The following ZNF675 variants were observed in gnomAD, a reference collection of about 807,000 sequenced individuals.
ZNF675 encodes the protein TRAF6 inhibitory zinc finger.
ZNF675 carries 36 observed loss-of-function variants against 56.1 expected under a neutral mutation model. That is an observed-to-expected ratio of 0.64 (90% CI 0.49 to 0.85). The LOEUF (loss-of-function observed/expected upper bound fraction) is 0.85. ZNF675 is among the 40% of genes least tolerant of loss of function. The pLI is 0.00. For synonymous variants in ZNF675, 200 were observed against 218.9 expected, an observed-to-expected ratio of 0.91 and a Z score of 0.76; for missense variants, 663 against 654.2, an observed-to-expected ratio of 1.01 and a Z score of -0.15.
intron 1 of ZNF675, among the ~76,000 whole-genome samples, chr19:23,675,063 G>A (rs1277064465): frequency 1.3e-5 from 2 of 151,420 alleles, no homozygotes; most frequent in African/African-American, 2.4e-5. Flanking sequence ...TGAACTCTTC[G>A]ACATCTTAAT....
chr19:23,682,607 CAT>C (rs1968391229), intron 1 of ZNF675, among the ~76,000 whole-genome samples: 1 of 151,680 alleles, frequency 6.6e-6, no homozygotes, highest in African/African-American at 2.4e-5. Context: ...AGCAGGCTGA[CAT>C]ATCTGCAGAA....
Position 23,687,069 on chromosome 19 carries a change from T to TG in ZNF675, c.-37dup. 3 of 1,613,124 alleles carry TG rather than the reference T, an allele frequency of 1.9e-6. No homozygotes were observed. Among genetic ancestry groups the TG allele is most frequent in the Non-Finnish European group, 2.5e-6 (3 of 1,179,432 alleles). On this transcript the variant is annotated 5_prime_UTR_variant, in exon 1 of 4. Transcript: ENST00000359788. ...CCAGGGGGTCCTGGAGTCTTAGCTG[T>TG]GGATCTCTCAATTTCTGCAGGTCAC... is the stretch of plus-strand genomic sequence containing the variant.
intron 1 of ZNF675, among the ~76,000 whole-genome samples, chr19:23,677,328 G>A (rs1408715327): frequency 1.3e-5 from 2 of 151,642 alleles, no homozygotes; most frequent in African/African-American, 4.9e-5. Flanking sequence ...AACAACTTCA[G>A]CAAAGTTTCA....
chr19:23,653,017 CGCTTTCCTGTGCAATAAG>C lies in ZNF675; in HGVS notation c.*191_*208del, dbSNP rs2144913955. 1 of 479,150 alleles carries C rather than the reference CGCTTTCCTGTGCAATAAG, an allele frequency of 2.1e-6. No individual in the cohort carries two copies. The highest frequency in any genetic ancestry group is 3.6e-6 in the Non-Finnish European group (1 of 277,472). The allele number at this position is 479,150 out of a possible 1,614,324, so 29.7% of individuals were successfully genotyped here. On this transcript the variant is annotated 3_prime_UTR_variant, in exon 4 of 4. Coordinates refer to ENST00000359788, the MANE Select transcript of ZNF675 (RefSeq NM_138330.3). Reference sequence around the variant, plus strand: ...TTGTACAATTTTTCTTAAGTATAAACGCTTTCCTGTGCAATAAGGTTTGAGCCTTAATTAACAGTATTG... The same window carrying C: ...TTGTACAATTTTTCTTAAGTATAAACGTTTGAGCCTTAATTAACAGTATTG...
At chr19:23,682,591 G>A (rs769995497) in intron 1 of ZNF675, among the ~76,000 whole-genome samples, 2 of 151,708 alleles carry the variant, frequency 1.3e-5, no homozygotes, top group Admixed American at 1.3e-4. Flanking sequence ...TTCCATGGCT[G>A]GGGTGAGCAG....
At position 23,653,713 on chromosome 19, in the gene ZNF675, T is replaced by C. The variant is rs903834815; in HGVS notation, c.1220A>G (p.His407Arg). The change falls in exon 4 of 4, where the codon CAC becomes CGC. Residue 407 changes from histidine (H) to arginine (R), a missense_variant. His to Arg is a conservative substitution (Grantham distance 29, BLOSUM62 0). Transcript: ENST00000359788. ...CTTATGTGTAGTAAGGGCTGAGGAG[T>C]GTTTAAAAGCTTTGCCACATTCTTT... Reference protein sequence around the residue: ...KCKECGKAFKHSSALTTHKRI... With the variant: ...KCKECGKAFKRSSALTTHKRI... The C allele has an allele frequency of 2.5e-6, 4 of 1,613,198 alleles. No homozygotes were observed. The highest frequency in any genetic ancestry group is 2.2e-5 in the South Asian group (2 of 91,044).
rs775574278 is a variant in ZNF675, at chr19:23,653,517, T to A, written c.1416A>T (p.Lys472Asn). Residue 472 changes from lysine to asparagine, a missense_variant, in exon 4 of 4, where the codon AAA becomes AAT. Lys to Asn is a moderately conservative substitution (Grantham distance 94). Around this residue, in one of 3 missense-constraint regions of ZNF675, gnomAD observed 617 missense variants for 590.5 expected, o/e 1.04. Coordinates refer to ENST00000359788, the MANE Select transcript of ZNF675 (RefSeq NM_138330.3). ...TGTAGGGTATCTCTCCAGAATGAAT[T>A]TTCTTATGTTCAGTAAGTTTTGAGG... ...IQSSKLTEHK[K>N]IHSGEIPYKC... The A allele has an allele frequency of 8.1e-6, 13 of 1,613,182 alleles. No individual in the cohort carries two copies. Among genetic ancestry groups the A allele is most frequent in the Middle Eastern group, 1.6e-4 (1 of 6,084 alleles).
chr19:23,667,382 G>A (rs1189243915), intron 1 of ZNF675, among the ~76,000 whole-genome samples: 1 of 152,150 alleles, frequency 6.6e-6, no homozygotes, highest in East Asian at 1.9e-4. Flanking sequence ...TGCCACTGCT[G>A]GCTCCGGCAG....
At chr19:23,686,305 T>C (rs1338612510) in intron 1 of ZNF675, 2 of 152,130 alleles carry the variant, frequency 1.3e-5, no homozygotes, top group South Asian at 4.1e-4. Context: ...ATCCCCATAA[T>C]TTATTTATTT....
At chr19:23,668,737 G>A (rs1968188914) in intron 1 of ZNF675, among the ~76,000 whole-genome samples, 1 of 152,184 alleles carries the variant, frequency 6.6e-6, no homozygotes, top group South Asian at 2.1e-4. Context: ...ACTGCTGGGG[G>A]ACCCAGTACA....
At chr19:23,654,859 A>T in intron 3 of ZNF675, 153 bp from the exon 4 acceptor site, 1 of 404,522 alleles carries the variant, frequency 2.5e-6, no homozygotes, top group Non-Finnish European at 3.9e-6. Flanking sequence ...CAATGCAAAG[A>T]GCCACATAGA....
At chr19:23,678,532 T>G (rs1968331496) in intron 1 of ZNF675, among the ~76,000 whole-genome samples, 1 of 144,966 alleles carries the variant, frequency 6.9e-6, no homozygotes. Flanking sequence ...ATTACAGGTA[T>G]GAGCCACCAC....
intron 1 of ZNF675, among the ~76,000 whole-genome samples, chr19:23,668,414 C>G (rs985089820): frequency 5.3e-5 from 8 of 152,242 alleles, no homozygotes; most frequent in Admixed American, 4.6e-4. Flanking sequence ...AATCCCTGAG[C>G]TAGACATACT....
chr19:23,684,153 T>G (rs1236105428), intron 1 of ZNF675, among the ~76,000 whole-genome samples: 1 of 151,110 alleles, frequency 6.6e-6, no homozygotes, highest in Non-Finnish European at 1.5e-5. Flanking sequence ...TCCCAGCTAC[T>G]CGGGAGGCTG....
chr19:23,661,854 C>G lies in ZNF675; in HGVS notation c.226+260G>C, dbSNP rs1968083334. The G allele has an allele frequency of 8.7e-6, 3 of 343,534 alleles. No individual in the cohort carries two copies. In the South Asian group the frequency reaches 1.2e-4, roughly 14 times the overall value. 21.3% of individuals were successfully genotyped at this position (343,534 alleles called of 1,614,324 possible). On this transcript the variant is annotated intron_variant, in intron 3 of 3. Coordinates refer to ENST00000359788, the MANE Select transcript of ZNF675 (RefSeq NM_138330.3). Reference sequence around the variant, plus strand: ...AGTAAGGATTCAGATTGCACAGTCTCTTGTATGCCATGAAGCGGACACTGG... The same window carrying G: ...AGTAAGGATTCAGATTGCACAGTCTGTTGTATGCCATGAAGCGGACACTGG...
Position 23,653,555 on chromosome 19 carries a change from C to T in ZNF675, c.1378G>A (p.Ala460Thr). 1.2e-6 allele frequency: 2 copies of T among 1,613,398 alleles called. No individual in the cohort carries two copies. Among genetic ancestry groups the T allele is most frequent in the Non-Finnish European group, 1.7e-6 (2 of 1,179,884 alleles). Reference protein sequence around the residue: ...KPYKCEECGKAFIQSSKLTEH... With the variant: ...KPYKCEECGKTFIQSSKLTEH... ...GTAAGTTTTGAGGATTGGATAAAAG[C>T]TTTGCCACATTCTTCACATTTGTAG... The change falls in exon 4 of 4, where the codon GCT becomes ACT. Residue 460 changes from alanine to threonine, a missense_variant. Physicochemically the swap from Ala to Thr is moderately conservative, Grantham distance 58. This residue lies in a region of ZNF675 where 617 missense variants were observed against 590.5 expected (regional missense o/e 1.04). Coordinates refer to ENST00000359788, the MANE Select transcript of ZNF675 (RefSeq NM_138330.3).
At chr19:23,678,692 C>T (rs1225557097) in intron 1 of ZNF675, among the ~76,000 whole-genome samples, 1 of 148,670 alleles carries the variant, frequency 6.7e-6, no homozygotes, top group Non-Finnish European at 1.5e-5. Flanking sequence ...TACAAAGCTA[C>T]AGTAACCAAA....
chr19:23,653,936 T>C lies in ZNF675; in HGVS notation c.997A>G (p.Ile333Val), dbSNP rs746182149. The change falls in exon 4 of 4, where the codon ATT becomes GTT. Residue 333 changes from isoleucine (I) to valine (V), a missense_variant. Ile to Val is a conservative substitution (Grantham distance 29). Coordinates refer to ENST00000359788, the MANE Select transcript of ZNF675 (RefSeq NM_138330.3). ...TTGTAGGGTTTTTCTCCAGTATGAA[T>C]TCTCTTATGTGTAGTAAGGGTTGAG... ...QSSTLTTHKR[I>V]HTGEKPYKCE... 1.9e-6 allele frequency: 3 copies of C among 1,613,480 alleles called. No homozygotes were observed. The highest frequency in any genetic ancestry group is 2.5e-6 in the Non-Finnish European group (3 of 1,179,548).
At chr19:23,686,994 C>G in intron 1 of ZNF675, 37 bp downstream of exon 1, 1 of 1,613,602 alleles carries the variant, frequency 6.2e-7, no homozygotes, top group Non-Finnish European at 8.5e-7. Context: ...CAACCAGCCC[C>G]TTCCCCCTCT....
Sources: gnomAD v4.1 joint callset for allele counts (sites outside exome capture counted in the v4.1 genomes callset) on GRCh38, gnomAD v4.1.1 for gene constraint, gnomAD v4.1.1 regional missense constraint, MANE v1.5 for transcripts, NCBI Gene and HGNC (gene_info 2026-07-23, HGNC 2026-07-21) for gene names.